POFUT3: variants seen among roughly 807,000 people sequenced by gnomAD.
POFUT3 encodes GDP-fucose protein O-fucosyltransferase 3.
chr8:33,463,728 T>C, the POFUT3 span, among the ~76,000 whole-genome samples: 4 of 152,250 alleles, frequency 2.6e-5, no homozygotes, highest in South Asian at 8.3e-4. Context: ...TTTGTTTGTT[T>C]ATTTGTAGAG....
chr8:33,340,277 A>T, the POFUT3 span, among the ~76,000 whole-genome samples: 506 of 152,166 alleles, frequency 3.3e-3, 2 homozygotes, highest in African/African-American at 0.012. Context: ...TAAATGGAAA[A>T]TCTTTGGTGA....
chr8:33,447,538 T>C, the POFUT3 span, among the ~76,000 whole-genome samples: 1 of 152,308 alleles, frequency 6.6e-6, no homozygotes, highest in African/African-American at 2.4e-5. Context: ...GGCTAGAGAA[T>C]TGTTAATGTA....
chr8:33,362,543 C>A, the POFUT3 span, among the ~76,000 whole-genome samples: 4 of 150,992 alleles, frequency 2.6e-5, no homozygotes, highest in East Asian at 2.0e-4. Flanking sequence ...CAAAGATGCA[C>A]ATGGACTCAA....
At chr8:33,469,161 CTGGGTGTGG>C in the POFUT3 span, among the ~76,000 whole-genome samples, 1 of 152,002 alleles carries the variant, frequency 6.6e-6, no homozygotes, top group Non-Finnish European at 1.5e-5. Flanking sequence ...CAAAAATTAG[CTGGGTGTGG>C]TGGTGCGTGC....
the POFUT3 span, among the ~76,000 whole-genome samples, chr8:33,341,070 T>C: frequency 2.0e-5 from 3 of 152,100 alleles, no homozygotes; most frequent in African/African-American, 7.2e-5. Context: ...AATTTTAAAA[T>C]ATTGGAATCA....
chr8:33,424,173 T>C, the POFUT3 span, among the ~76,000 whole-genome samples: 1 of 152,030 alleles, frequency 6.6e-6, no homozygotes, highest in Non-Finnish European at 1.5e-5. Flanking sequence ...ACATGGGTTT[T>C]TAAGCCATGG....
At chr8:33,439,596 G>A in the POFUT3 span, among the ~76,000 whole-genome samples, 5 of 152,076 alleles carry the variant, frequency 3.3e-5, no homozygotes, top group Admixed American at 6.6e-5. Flanking sequence ...AGCCGGGCGC[G>A]GTTGCTTATG....
chr8:33,403,286 G>A, the POFUT3 span, among the ~76,000 whole-genome samples: 1 of 151,924 alleles, frequency 6.6e-6, no homozygotes, highest in Non-Finnish European at 1.5e-5. Context: ...GTGTGTGTGT[G>A]TGTATGAGAG....
At chr8:33,330,939 T>C in the POFUT3 span, among the ~76,000 whole-genome samples, 1 of 152,196 alleles carries the variant, frequency 6.6e-6, no homozygotes, top group African/African-American at 2.4e-5. Flanking sequence ...CTATGGTTTT[T>C]CACCTTTTTA....
the POFUT3 span, among the ~76,000 whole-genome samples, chr8:33,386,831 A>G: frequency 6.6e-6 from 1 of 152,078 alleles, no homozygotes; most frequent in Admixed American, 6.6e-5. Context: ...CTATTTACCA[A>G]CGCCAGCATA....
chr8:33,431,079 A>G, the POFUT3 span, among the ~76,000 whole-genome samples: 2 of 152,112 alleles, frequency 1.3e-5, no homozygotes, highest in South Asian at 4.2e-4. Context: ...TAGAGACGGT[A>G]GAGAAGGATT....
At chr8:33,415,091 G>A in the POFUT3 span, among the ~76,000 whole-genome samples, 3 of 151,918 alleles carry the variant, frequency 2.0e-5, no homozygotes, top group African/African-American at 4.8e-5. Context: ...GTGAAACCCC[G>A]TCTCTACAAA....
At chr8:33,364,096 G>A in the POFUT3 span, among the ~76,000 whole-genome samples, 25 of 152,112 alleles carry the variant, frequency 1.6e-4, no homozygotes, top group Admixed American at 2.6e-4. Context: ...TTCATCCCTG[G>A]GATGCTAGGC....
chr8:33,405,218 G>A, the POFUT3 span, among the ~76,000 whole-genome samples: 6 of 151,934 alleles, frequency 3.9e-5, no homozygotes, highest in South Asian at 2.1e-4. Context: ...ACTTGAACCC[G>A]GGAGGCAGAG....
At chr8:33,460,851 A>G in the POFUT3 span, 1 of 537,712 alleles carries the variant, frequency 1.9e-6, no homozygotes, top group Non-Finnish European at 2.4e-6. Context: ...ATTTTCTCCC[A>G]GTAGAAAACC....
the POFUT3 span, chr8:33,453,337 G>A: frequency 6.2e-7 from 1 of 1,614,202 alleles, no homozygotes; most frequent in South Asian, 1.1e-5. Flanking sequence ...GGGACCACCA[G>A]AGCATAATGG....
At chr8:33,354,546 C>T in the POFUT3 span, among the ~76,000 whole-genome samples, 1 of 152,308 alleles carries the variant, frequency 6.6e-6, no homozygotes, top group South Asian at 2.1e-4. Flanking sequence ...TATCTAACCC[C>T]TCTGGATTAA....
the POFUT3 span, among the ~76,000 whole-genome samples, chr8:33,343,388 A>C: frequency 5.3e-5 from 8 of 152,216 alleles, no homozygotes; most frequent in Admixed American, 2.0e-4. Flanking sequence ...TAGCAGGAAA[A>C]GCTTTCACAA....
At chr8:33,352,151 C>T in the POFUT3 span, among the ~76,000 whole-genome samples, 2 of 152,184 alleles carry the variant, frequency 1.3e-5, no homozygotes, top group Admixed American at 6.6e-5. Context: ...GGTGAAGCCA[C>T]AGTCACTGCT....
Sources: gnomAD v4.1 joint callset for allele counts (sites outside exome capture counted in the v4.1 genomes callset) on GRCh38, gnomAD v4.1.1 for gene constraint, MANE v1.5 for transcripts, NCBI Gene and HGNC (gene_info 2026-07-23, HGNC 2026-07-21) for gene names.